Variants in FBXL5 observed in about 807,000 individuals in gnomAD.
FBXL5 encodes the protein F-box/LRR-repeat protein 5.
FBXL5 carries 26 observed loss-of-function variants against 78.3 expected under a neutral mutation model. That is an observed-to-expected ratio of 0.33 (90% confidence interval 0.24 to 0.46). The LOEUF is 0.46. Among genes scored for constraint, FBXL5 ranks in the 20% least tolerant of loss-of-function variants. The pLI is 1.00. For synonymous variants in FBXL5, 295 were observed against 282.5 expected (o/e 1.04, Z -0.45); for missense variants, 710 against 829.2 (o/e 0.86, Z 1.77).
chr4:15,646,684 T>C (rs892100325), intron 1 of FBXL5, among the ~76,000 whole-genome samples: 1 of 150,082 alleles, frequency 6.7e-6, no homozygotes. Flanking sequence ...CTCCCAATGC[T>C]ATCCCTCCCC....
At position 15,618,162 on chromosome 4, in the gene FBXL5, G is replaced by GA. The variant is rs530408104; in HGVS notation, c.1851-5749dup. Among the ~76,000 whole-genome samples, 75 of 151,652 alleles carry GA rather than the reference G, an allele frequency of 4.9e-4. No individual in the cohort carries two copies. The South Asian group carries it at 0.015, about 31-fold the overall frequency. On this transcript the variant is annotated intron_variant, in intron 9 of 10. Transcript: ENST00000341285. ...ATTGGCAAAGCTTTAGCTAGATTAAGAAAAAAAGAGAAGACACAAATTACC... is the reference window on the plus strand; with the variant it reads ...ATTGGCAAAGCTTTAGCTAGATTAAGAAAAAAAAGAGAAGACACAAATTACC...
Position 15,630,791 on chromosome 4 carries a change from C to G in FBXL5, c.767G>C (p.Gly256Ala). 1 of 1,612,814 alleles carries G rather than the reference C, an allele frequency of 6.2e-7. No homozygotes were observed. Among genetic ancestry groups the G allele is most frequent in the East Asian group, 2.2e-5 (1 of 44,746 alleles). The change falls in exon 6 of 11, where the codon GGT (glycine) becomes GCT (alanine). Residue 256 changes from glycine (G) to alanine (A), a missense_variant and splice_region_variant. Gly to Ala is a moderately conservative substitution (Grantham distance 60). This residue lies in a region of FBXL5 where 517 missense variants were observed against 542.9 expected (regional missense o/e 0.95). Transcript: ENST00000341285. ...AGTTGCGGGACCACTATACCAGTCA[C>G]CTACTCAATGAATAAACAAGTAAAA... ...KHLYPVHWAR[G>A]DWYSGPATEL... is the part of the protein sequence containing the mutation.
intron 1 of FBXL5, among the ~76,000 whole-genome samples, chr4:15,673,686 T>C (rs928609305): frequency 4.6e-5 from 7 of 152,212 alleles, no homozygotes; most frequent in African/African-American, 1.4e-4. Context: ...ATGCATACAG[T>C]GATCAATACT....
chr4:15,629,283 G>C (rs1469813979), intron 6 of FBXL5, among the ~76,000 whole-genome samples: 1 of 152,066 alleles, frequency 6.6e-6, no homozygotes, highest in Non-Finnish European at 1.5e-5. Context: ...CACTGAATTT[G>C]TGAGAACCTT....
In FBXL5 at chr4:15,625,456, G is replaced by A; in HGVS notation, c.1646C>T (p.Ser549Leu). The A allele has an allele frequency of 3.1e-6, 5 of 1,613,962 alleles. No individual in the cohort carries two copies. Among genetic ancestry groups the A allele is most frequent in the Non-Finnish European group, 4.2e-6 (5 of 1,179,950 alleles). Residue 549 changes from serine to leucine, a missense_variant, in exon 9 of 11, where the codon TCA becomes TTA. Transcript: ENST00000341285. ...ASPAFAYCGH[S>L]FCCTGTALRT... The stretch of plus-strand genomic sequence containing the variant: ...TAAAGCTGTTCCTGTACAACAAAAT[G>A]AGTGACCACAATACGCAAAGGCTGG...
chr4:15,613,160 A>G (rs1722383300), intron 9 of FBXL5, among the ~76,000 whole-genome samples: 1 of 152,182 alleles, frequency 6.6e-6, no homozygotes, highest in Non-Finnish European at 1.5e-5. Flanking sequence ...CAGAGACACC[A>G]AGTCGATTCA....
intron 1 of FBXL5, among the ~76,000 whole-genome samples, chr4:15,650,446 A>G (rs1402251543): frequency 6.6e-6 from 1 of 152,096 alleles, no homozygotes; most frequent in Non-Finnish European, 1.5e-5. Context: ...CGGACCCACA[A>G]AAGAGATTTA....
intron 3 of FBXL5, 39 bp downstream of exon 3, chr4:15,640,749 T>C (rs1432885355): frequency 1.5e-5 from 17 of 1,098,432 alleles, no homozygotes; most frequent in Non-Finnish European, 2.1e-5. Context: ...ATTTTAAGAA[T>C]GTTATAAATC....
rs1715176383 is a variant in FBXL5, at chr4:15,644,438, T to C, written c.300+55A>G. 7 of 1,418,020 alleles carry C rather than the reference T, an allele frequency of 4.9e-6. No individual in the cohort carries two copies. The South Asian group carries it at 8.3e-5, about 17-fold the overall frequency. 87.8% of individuals were successfully genotyped at this position (1,418,020 alleles called of 1,614,324 possible). A position where few individuals can be genotyped will look rare whatever the true frequency, so the allele number is the denominator to read the frequency against. ...AAACAGTGACAAGTTTTGCCAATGA[T>C]ATACCAGAAGATGGCACAAGTTTTG... On this transcript the variant is annotated intron_variant, in intron 2 of 10. Coordinates refer to ENST00000341285, the MANE Select transcript of FBXL5 (RefSeq NM_012161.4).
rs1306148591 is a variant in FBXL5 at position 15,625,431 on chromosome 4, T to G, written c.1671A>C (p.Leu557Phe). 1 of 1,614,032 alleles carries G rather than the reference T, an allele frequency of 6.2e-7. No individual in the cohort carries two copies. Residue 557 changes from leucine (L) to phenylalanine (F), a missense_variant, in exon 9 of 11, where the codon TTA becomes TTC. Leu to Phe is a conservative substitution (Grantham distance 22). Transcript: ENST00000341285. ...GHSFCCTGTALRTMSSLPESS... is the reference protein window; with the variant it reads ...GHSFCCTGTAFRTMSSLPESS... ...ATTCTGGGAGTGATGACATAGTTCT[T>G]AAAGCTGTTCCTGTACAACAAAATG...
intron 5 of FBXL5, among the ~76,000 whole-genome samples, chr4:15,635,221 T>C (rs1714128076): frequency 6.6e-6 from 1 of 151,356 alleles, no homozygotes. Context: ...TAATCGCAGC[T>C]ACTTGGGAGG....
rs1363517211 is a variant in FBXL5, at chr4:15,625,605, T to C, written c.1497A>G (p.Arg499=). ...CCATTACACAAAGACTTTCAACATT[T>C]CTATGTCTCCATTCCACAGTATCTT... ...DIEDTVEWRH[R]NVESLCVMET... Residue 499 remains arginine, a synonymous_variant, in exon 9 of 11, where the codon AGA becomes AGG. Coordinates refer to ENST00000341285, the MANE Select transcript of FBXL5 (RefSeq NM_012161.4). 1.2e-6 allele frequency: 2 copies of C among 1,614,184 alleles called. No homozygotes were observed. Among genetic ancestry groups the C allele is most frequent in the Non-Finnish European group, 1.7e-6 (2 of 1,180,030 alleles).
In FBXL5 at chr4:15,627,939, A is replaced by G; in HGVS notation, c.987T>C (p.Gly329=). The G allele has an allele frequency of 9.9e-6, 16 of 1,613,864 alleles. No individual in the cohort carries two copies. The highest frequency in any genetic ancestry group is 1.4e-5 in the Non-Finnish European group (16 of 1,179,862). ...CTAATACTAAGGTTTTTACAGAAGT[A>G]CCAACATATGGTAGAACGTTATGAA... ...GLIHNVLPYV[G]TSVKTLVLAY... Residue 329 remains glycine, a synonymous_variant, in exon 7 of 11, where the codon GGT becomes GGC. Coordinates refer to ENST00000341285, the MANE Select transcript of FBXL5 (RefSeq NM_012161.4).
In FBXL5 at chr4:15,655,218, G is replaced by T; in HGVS notation, c.70C>A (p.Leu24Ile). Residue 24 changes from leucine to isoleucine, a missense_variant, in exon 1 of 11, where the codon CTC becomes ATC. Around this residue, in one of 4 missense-constraint regions of FBXL5, gnomAD observed 132 missense variants for 156.9 expected, o/e 0.84. Transcript: ENST00000341285. ...PHWRMKQLVGLYCDKLSKTNF... is the reference protein window; with the variant it reads ...PHWRMKQLVGIYCDKLSKTNF... ...CGCTCCGTTACCTTGTCGCAGTAGA[G>T]CCCCACCAGCTGCTTCATCCGCCAG... The T allele has an allele frequency of 7.0e-7, 1 of 1,433,698 alleles. No individual in the cohort carries two copies. Among genetic ancestry groups the T allele is most frequent in the South Asian group, 1.3e-5 (1 of 77,862 alleles). 88.8% of individuals were successfully genotyped at this position (1,433,698 alleles called of 1,614,324 possible). A position where few individuals can be genotyped will look rare whatever the true frequency, so the allele number is the denominator to read the frequency against.
intron 6 of FBXL5, among the ~76,000 whole-genome samples, chr4:15,630,341 T>C (rs1713497327): frequency 6.6e-6 from 1 of 151,682 alleles, no homozygotes; most frequent in Non-Finnish European, 1.5e-5. Flanking sequence ...GCTGTGCAAC[T>C]GATCACTTGA....
Position 15,625,584 on chromosome 4 carries a change from T to C in FBXL5, c.1518A>G (p.Val506=). The C allele has an allele frequency of 1.9e-6, 3 of 1,614,238 alleles. No homozygotes were observed. The highest frequency in any genetic ancestry group is 2.5e-6 in the Non-Finnish European group (3 of 1,180,046). Residue 506 remains valine, a synonymous_variant, in exon 9 of 11, where the codon GTA becomes GTG. Coordinates refer to ENST00000341285, the MANE Select transcript of FBXL5 (RefSeq NM_012161.4). ...AACTAAAGTTGGATGCTGTTTCCAT[T>C]ACACAAAGACTTTCAACATTTCTAT... The part of the protein sequence containing the change: ...WRHRNVESLC[V]METASNFSCS...
intron 1 of FBXL5, among the ~76,000 whole-genome samples, chr4:15,675,062 C>A (rs1366118081): frequency 6.6e-6 from 1 of 152,140 alleles, no homozygotes; most frequent in East Asian, 1.9e-4. Flanking sequence ...CCTGCCACTA[C>A]AAAACACTTT....
At chr4:15,614,366 G>A (rs982129855) in intron 9 of FBXL5, among the ~76,000 whole-genome samples, 4 of 152,164 alleles carry the variant, frequency 2.6e-5, no homozygotes, top group Non-Finnish European at 1.5e-5. Context: ...ACTCTGTGAG[G>A]GTCCTTGTTT....
At chr4:15,636,910 A>G (rs1184429630) in intron 4 of FBXL5, among the ~76,000 whole-genome samples, 1 of 152,240 alleles carries the variant, frequency 6.6e-6, no homozygotes, top group East Asian at 1.9e-4. Flanking sequence ...GGGAGCTACA[A>G]TAATGAACAC....
Sources: allele counts gnomAD v4.1 joint callset (sites outside exome capture counted in the v4.1 genomes callset), GRCh38; gene constraint gnomAD v4.1.1; regional missense constraint gnomAD v4.1.1; transcripts MANE v1.5; gene names NCBI Gene and HGNC (gene_info 2026-07-23, HGNC 2026-07-21).